TPST1: variants seen among roughly 807,000 people sequenced by gnomAD.
The protein encoded by TPST1 is tyrosylprotein sulfotransferase 1.
TPST1 carries 20 observed loss-of-function variants against 34.8 expected under a neutral mutation model. That is an observed-to-expected ratio of 0.57 (90% CI 0.40 to 0.84). The LOEUF is 0.84. Ranked by LOEUF, TPST1 falls within the 40% of genes least tolerant of loss-of-function variation. The pLI is 0.00. For synonymous variants in TPST1, 152 were observed against 159.4 expected, an observed-to-expected ratio of 0.95 and a Z score of 0.35; for missense variants, 353 against 455.5, an observed-to-expected ratio of 0.78 and a Z score of 2.05.
At position 66,216,460 on chromosome 7, in the gene TPST1, T is replaced by G. The variant is rs1222595972; in HGVS notation, c.-102+10938T>G. Reference sequence around the variant, plus strand: ...TTCCTTCTTTCTGATGGTTTTGGTCTTGTTTGCTCTTTTTCTTTTTTTTTT... The same window carrying G: ...TTCCTTCTTTCTGATGGTTTTGGTCGTGTTTGCTCTTTTTCTTTTTTTTTT... On this transcript the variant is annotated intron_variant, in intron 1 of 5. Transcript: ENST00000304842. Among the ~76,000 whole-genome samples, 3 of 150,628 alleles carry G rather than the reference T, an allele frequency of 2.0e-5. No individual in the cohort carries two copies. The Admixed American group carries it at 2.0e-4, about 10-fold the overall frequency.
intron 3 of TPST1, among the ~76,000 whole-genome samples, chr7:66,336,854 G>T (rs1019905549): frequency 6.6e-6 from 1 of 152,146 alleles, no homozygotes; most frequent in African/African-American, 2.4e-5. Flanking sequence ...AAGGCAGCAA[G>T]AGAAAAGAAA....
At chr7:66,254,812 C>T (rs1219555589) in intron 2 of TPST1, among the ~76,000 whole-genome samples, 1 of 152,148 alleles carries the variant, frequency 6.6e-6, no homozygotes, top group Admixed American at 6.5e-5. Flanking sequence ...GTGGTTTTGC[C>T]TAGGCTAGGA....
At chr7:66,340,444 C>T (rs1217159356) in intron 3 of TPST1, among the ~76,000 whole-genome samples, 1 of 152,092 alleles carries the variant, frequency 6.6e-6, no homozygotes, top group Non-Finnish European at 1.5e-5. Context: ...AAGGAAGAAA[C>T]CACATTATCT....
At position 66,275,204 on chromosome 7, in the gene TPST1, T is replaced by TA. The variant is rs556833687; in HGVS notation, c.846-11298dup. ...GCGAGACTCCGTCTCAAAGAAAAAA[T>TA]AAAAAAAAATAAAAAAAGATAACAA... On this transcript the variant is annotated intron_variant, in intron 2 of 5. Transcript: ENST00000304842. 4.1e-3 allele frequency among the ~76,000 whole-genome samples: 607 copies of TA among 148,044 alleles called. 1 individual carries two copies. Among genetic ancestry groups the TA allele is most frequent in the Non-Finnish European group, 5.8e-3 (386 of 66,614 alleles).
At chr7:66,335,961 G>T (rs963662715) in intron 3 of TPST1, among the ~76,000 whole-genome samples, 2 of 152,178 alleles carry the variant, frequency 1.3e-5, no homozygotes, top group African/African-American at 4.8e-5. Context: ...GGACTCAGAA[G>T]AATTGAAGAT....
intron 1 of TPST1, among the ~76,000 whole-genome samples, chr7:66,219,826 C>T (rs756781154): frequency 6.6e-6 from 1 of 152,132 alleles, no homozygotes; most frequent in Non-Finnish European, 1.5e-5. Flanking sequence ...TGCCATGTAG[C>T]AGTATATTAA....
At chr7:66,307,386 G>A (rs1430806147) in intron 3 of TPST1, among the ~76,000 whole-genome samples, 2 of 152,118 alleles carry the variant, frequency 1.3e-5, no homozygotes, top group African/African-American at 2.4e-5. Context: ...CCAAAGTGCT[G>A]GGATTACAGG....
intron 2 of TPST1, among the ~76,000 whole-genome samples, chr7:66,273,944 A>G (rs1007975754): frequency 3.9e-4 from 60 of 152,184 alleles, no homozygotes; most frequent in African/African-American, 1.4e-3. Flanking sequence ...CTGGGACTGC[A>G]GGCATGTGCC....
At chr7:66,263,789 A>G (rs1442805183) in intron 2 of TPST1, among the ~76,000 whole-genome samples, 1 of 152,342 alleles carries the variant, frequency 6.6e-6, no homozygotes, top group East Asian at 1.9e-4. Flanking sequence ...CATCAGCAAA[A>G]GCGGCACAGT....
intron 3 of TPST1, among the ~76,000 whole-genome samples, chr7:66,302,789 T>A (rs1318326417): frequency 6.6e-6 from 1 of 152,232 alleles, no homozygotes; most frequent in Non-Finnish European, 1.5e-5. Flanking sequence ...TTAGTTTATC[T>A]GGTGTTTTCT....
intron 4 of TPST1, among the ~76,000 whole-genome samples, chr7:66,356,358 C>T (rs995680780): frequency 6.6e-6 from 1 of 152,178 alleles, no homozygotes; most frequent in Non-Finnish European, 1.5e-5. Context: ...TGTTCACCAA[C>T]CGGGAAGTGC....
At chr7:66,234,438 C>A (rs890878597) in intron 1 of TPST1, among the ~76,000 whole-genome samples, 2 of 150,506 alleles carry the variant, frequency 1.3e-5, no homozygotes, top group Non-Finnish European at 3.0e-5. Flanking sequence ...CACAGACACA[C>A]ACACACACAC....
chr7:66,356,204 A>G (rs1394687319), intron 4 of TPST1, among the ~76,000 whole-genome samples: 1 of 152,206 alleles, frequency 6.6e-6, no homozygotes, highest in Non-Finnish European at 1.5e-5. Context: ...GGTAAAGTGT[A>G]GTACTTAACA....
intron 3 of TPST1, among the ~76,000 whole-genome samples, chr7:66,342,430 C>G (rs879538786): frequency 2.0e-5 from 3 of 152,186 alleles, no homozygotes; most frequent in Non-Finnish European, 2.9e-5. Flanking sequence ...ATGGTTTGCT[C>G]TCAAAGTAAA....
chr7:66,282,706 C>T (rs538432720), intron 2 of TPST1, among the ~76,000 whole-genome samples: 23 of 152,232 alleles, frequency 1.5e-4, no homozygotes, highest in East Asian at 9.7e-4. Context: ...AGAGCTGATG[C>T]GGGACTAAGA....
chr7:66,297,875 T>G (rs1241544350), intron 3 of TPST1, among the ~76,000 whole-genome samples: 1 of 152,208 alleles, frequency 6.6e-6, no homozygotes, highest in African/African-American at 2.4e-5. Context: ...ATACATAGCA[T>G]GCTTATTCAC....
intron 3 of TPST1, among the ~76,000 whole-genome samples, chr7:66,321,318 T>G (rs1049213680): frequency 6.6e-6 from 1 of 152,176 alleles, no homozygotes; most frequent in African/African-American, 2.4e-5. Context: ...GAGTTTTTAT[T>G]AGGGGTCAGT....
Position 66,360,429 on chromosome 7 carries a change from T to C in TPST1, c.*564T>C, listed in dbSNP as rs1348212926. The C allele has an allele frequency of 6.5e-6, 1 of 153,446 alleles. No individual in the cohort carries two copies. Among genetic ancestry groups the C allele is most frequent in the Non-Finnish European group, 1.5e-5 (1 of 68,858 alleles). 9.5% of individuals were successfully genotyped at this position (153,446 alleles called of 1,614,324 possible). ...GTATTTTATTTTTCAAAATAAAAGC[T>C]TTCAATGTGAAGCATTCTGGTAGTT... On this transcript the variant is annotated 3_prime_UTR_variant, in exon 6 of 6. Coordinates refer to ENST00000304842, the MANE Select transcript of TPST1 (RefSeq NM_003596.4).
intron 1 of TPST1, among the ~76,000 whole-genome samples, chr7:66,212,706 C>A (rs951396490): frequency 6.6e-6 from 1 of 152,120 alleles, no homozygotes; most frequent in African/African-American, 2.4e-5. Context: ...GTGATTCCCC[C>A]ACCTTGGCCT....
Sources: allele counts gnomAD v4.1 joint callset (sites outside exome capture counted in the v4.1 genomes callset), GRCh38; gene constraint gnomAD v4.1.1; transcripts MANE v1.5; gene names NCBI Gene and HGNC (gene_info 2026-07-23, HGNC 2026-07-21).